The following TRIO variants were observed in gnomAD, a reference collection of about 807,000 sequenced individuals.
The protein encoded by TRIO is triple functional domain protein.
TRIO carries 58 observed loss-of-function variants against 351.9 expected under a neutral mutation model. The ratio of observed to expected loss-of-function variants is 0.16; its 90% CI spans 0.13 to 0.21. The LOEUF is 0.21. Ranked by LOEUF, TRIO falls within the 10% of genes least tolerant of loss-of-function variation. The probability of loss-of-function intolerance (pLI) is 1.00; values close to 1 mark genes in which losing one functional copy is unlikely to be tolerated. For synonymous variants in TRIO, 1,758 were observed against 1,595.7 expected, an observed-to-expected ratio of 1.10 and a Z score of -2.42; for missense variants, 3,201 against 4,027.8, an observed-to-expected ratio of 0.79 and a Z score of 5.56.
intron 8 of TRIO, among the ~76,000 whole-genome samples, chr5:14,312,395 C>T (rs1053078540): frequency 3.9e-5 from 6 of 152,158 alleles, no homozygotes; most frequent in African/African-American, 1.4e-4. Context: ...TTAGTACTTG[C>T]ATTTTTCTGA....
At chr5:14,504,852 G>A (rs991746888) in intron 55 of TRIO, among the ~76,000 whole-genome samples, 9 of 144,818 alleles carry the variant, frequency 6.2e-5, no homozygotes, top group South Asian at 2.2e-4. Context: ...CAGCCAACCC[G>A]GAGATGCACC....
At position 14,286,767 on chromosome 5, in the gene TRIO, C is replaced by G; in HGVS notation, c.348-104C>G. ...CTCCTTCCCCTGCCTCCGCACGTGT[C>G]CAGCAGGGGAGGGAAGCTGGGTCTG... is the stretch of plus-strand genomic sequence containing the variant. On this transcript the variant is annotated intron_variant, in intron 3 of 56. Coordinates refer to ENST00000344204, the MANE Select transcript of TRIO (RefSeq NM_007118.4). The surrounding 1 kb of genome is among the most constrained non-coding windows in gnomAD (Gnocchi z 4.4). 1.6e-6 allele frequency: 2 copies of G among 1,231,646 alleles called. No homozygotes were observed. The highest frequency in any genetic ancestry group is 2.3e-6 in the Non-Finnish European group (2 of 883,944). The allele number at this position is 1,231,646 out of a possible 1,614,324, so 76.3% of individuals were successfully genotyped here. A position where few individuals can be genotyped will look rare whatever the true frequency, so the allele number is the denominator to read the frequency against.
chr5:14,143,526 G>C lies in TRIO; in HGVS notation c.-200G>C, dbSNP rs1208528057. On this transcript the variant is annotated 5_prime_UTR_variant, in exon 1 of 57. Transcript: ENST00000344204. ...CCCCTCGGCCAGCTCGCGGCTACCGGGCGGAGTCCTCGTCTATGTGGGCGC... is the reference window on the plus strand; with the variant it reads ...CCCCTCGGCCAGCTCGCGGCTACCGCGCGGAGTCCTCGTCTATGTGGGCGC... Among the ~76,000 whole-genome samples the C allele has an allele frequency of 6.8e-6, 1 of 147,482 alleles. No individual in the cohort carries two copies. Among genetic ancestry groups the C allele is most frequent in the African/African-American group, 2.4e-5 (1 of 40,878 alleles).
intron 1 of TRIO, among the ~76,000 whole-genome samples, chr5:14,155,796 T>G (rs1310263866): frequency 1.3e-5 from 2 of 152,198 alleles, no homozygotes; most frequent in Non-Finnish European, 2.9e-5. Context: ...CTTGCAGGTC[T>G]CTCCACCCTA....
chr5:14,375,762 C>T (rs1745504202), intron 19 of TRIO, among the ~76,000 whole-genome samples: 1 of 152,220 alleles, frequency 6.6e-6, no homozygotes, highest in Non-Finnish European at 1.5e-5. Flanking sequence ...AGTACTGGCT[C>T]AGGCAGAGAC....
Position 14,487,809 on chromosome 5 carries a change from C to A in TRIO, c.7181C>A (p.Pro2394His), listed in dbSNP as rs766530950. The A allele has an allele frequency of 2.1e-6, 3 of 1,422,628 alleles. No homozygotes were observed. The highest frequency in any genetic ancestry group is 2.8e-6 in the Non-Finnish European group (3 of 1,087,582). 88.1% of individuals were successfully genotyped at this position (1,422,628 alleles called of 1,614,324 possible). ...EAGPSAPSRR[P>H]PGADAEGSER... ...GGCCCCAGCGCGCCCAGCAGGCGGCCCCCCGGCGCGGACGCCGAGGGGTCC... is the reference window on the plus strand; with the variant it reads ...GGCCCCAGCGCGCCCAGCAGGCGGCACCCCGGCGCGGACGCCGAGGGGTCC... Residue 2394 changes from proline to histidine, a missense_variant, in exon 48 of 57, where the codon CCC (proline) becomes CAC (histidine). Physicochemically the swap from Pro to His is moderately conservative, Grantham distance 77. Transcript: ENST00000344204.
chr5:14,184,042 C>T (rs1423247227), intron 1 of TRIO: 1 of 689,226 alleles, frequency 1.5e-6, no homozygotes, highest in African/African-American at 1.8e-5. Context: ...TCTAGGAGGA[C>T]TGTTGATGGA....
intron 36 of TRIO, among the ~76,000 whole-genome samples, chr5:14,465,162 C>G (rs946416120): frequency 5.3e-5 from 8 of 152,168 alleles, no homozygotes; most frequent in African/African-American, 1.7e-4. Context: ...GACCCTAAGC[C>G]TCTCATTCTG....
At chr5:14,383,483 C>G (rs1034864662) in intron 21 of TRIO, among the ~76,000 whole-genome samples, 2 of 152,198 alleles carry the variant, frequency 1.3e-5, no homozygotes, top group African/African-American at 4.8e-5. Context: ...TTTTTCCATT[C>G]CTGAATACTC....
chr5:14,287,722 T>A (rs1390508345), intron 4 of TRIO, among the ~76,000 whole-genome samples: 2 of 152,112 alleles, frequency 1.3e-5, no homozygotes, highest in East Asian at 1.9e-4. Flanking sequence ...TTTAATGAGA[T>A]GATTATGGGA....
chr5:14,362,191 A>C (rs1267018754), intron 13 of TRIO, among the ~76,000 whole-genome samples: 1 of 152,240 alleles, frequency 6.6e-6, no homozygotes, highest in South Asian at 2.1e-4. Flanking sequence ...CCTGTCCCAC[A>C]GATTCAGCAT....
chr5:14,363,121 C>T (rs551133364), intron 13 of TRIO, among the ~76,000 whole-genome samples: 2 of 151,858 alleles, frequency 1.3e-5, no homozygotes, highest in South Asian at 4.2e-4. Flanking sequence ...ACCTCAGCCT[C>T]CCAAGTAGCT....
intron 1 of TRIO, among the ~76,000 whole-genome samples, chr5:14,204,692 T>TG (rs1370557865): frequency 3.9e-5 from 6 of 152,184 alleles, no homozygotes; most frequent in African/African-American, 1.2e-4. Context: ...ATTCAGATTT[T>TG]GGGGAACAGA....
At position 14,471,480 on chromosome 5, in the gene TRIO, G is replaced by A. The variant is rs1193873255; in HGVS notation, c.5912+14G>A. 5.6e-6 allele frequency: 9 copies of A among 1,613,486 alleles called. No homozygotes were observed. The highest frequency in any genetic ancestry group is 7.6e-6 in the Non-Finnish European group (9 of 1,179,788). On this transcript the variant is annotated intron_variant, in intron 38 of 56. Coordinates refer to ENST00000344204, the MANE Select transcript of TRIO (RefSeq NM_007118.4). ...AAAGAGAAGACAGTAAGACAGAAATGTTTTCATTCTTATTGTTCTCTGGGT... is the reference window on the plus strand; with the variant it reads ...AAAGAGAAGACAGTAAGACAGAAATATTTTCATTCTTATTGTTCTCTGGGT...
rs532888936 is a variant in TRIO, at chr5:14,477,714, C to T, written c.6153+751C>T. Among the ~76,000 whole-genome samples the T allele has an allele frequency of 2.0e-5, 3 of 152,278 alleles. No individual in the cohort carries two copies. In the South Asian group the frequency reaches 6.2e-4, roughly 32 times the overall value. ...ACATTAAATACATTGAACTATTGGG[C>T]TTCGAGGCTCCTGCAGCCATGCGCG... On this transcript the variant is annotated intron_variant, in intron 41 of 56. Transcript: ENST00000344204.
intron 34 of TRIO, among the ~76,000 whole-genome samples, chr5:14,444,962 CTT>C (rs1480655324): frequency 2.0e-5 from 3 of 152,304 alleles, no homozygotes; most frequent in African/African-American, 7.2e-5. Context: ...TTTTGGAATT[CTT>C]TTCTTATTTC....
intron 1 of TRIO, among the ~76,000 whole-genome samples, chr5:14,148,517 A>T (rs889834110): frequency 1.3e-5 from 2 of 152,228 alleles, no homozygotes; most frequent in Non-Finnish European, 2.9e-5. Flanking sequence ...ATTGATAGGG[A>T]TGAGCTGTGT....
At chr5:14,502,384 T>C (rs1227807755) in intron 53 of TRIO, among the ~76,000 whole-genome samples, 195 bp from the exon 54 acceptor site, 1 of 152,280 alleles carries the variant, frequency 6.6e-6, no homozygotes, top group Non-Finnish European at 1.5e-5. Context: ...TGAACTATTT[T>C]GCATTCTTCC....
chr5:14,442,796 A>C (rs1561495950), intron 34 of TRIO, among the ~76,000 whole-genome samples: 1 of 152,210 alleles, frequency 6.6e-6, no homozygotes, highest in Non-Finnish European at 1.5e-5. Flanking sequence ...AACTGGTCAC[A>C]TGAAAAGTCT....
Sources: gnomAD v4.1 joint callset for allele counts (sites outside exome capture counted in the v4.1 genomes callset) on GRCh38, gnomAD v4.1.1 for gene constraint, Gnocchi (gnomAD v3.1) non-coding constraint, MANE v1.5 for transcripts, NCBI Gene and HGNC (gene_info 2026-07-23, HGNC 2026-07-21) for gene names.